EEIG2: variants seen among roughly 807,000 people sequenced by gnomAD.
EEIG2 encodes EEIG family member 2, also known as family with sequence similarity 102 member B.
At chr1:108,563,056 A>C in the EEIG2 span, among the ~76,000 whole-genome samples, 49 of 152,374 alleles carry the variant, frequency 3.2e-4, no homozygotes, top group East Asian at 9.1e-3. Context: ...AATGAATTAC[A>C]TAGAAAAGAG....
At chr1:108,567,327 G>T in the EEIG2 span, among the ~76,000 whole-genome samples, 2 of 152,082 alleles carry the variant, frequency 1.3e-5, no homozygotes, top group African/African-American at 2.4e-5. Context: ...AGATATTCCC[G>T]TGAGGAAGGT....
the EEIG2 span, among the ~76,000 whole-genome samples, chr1:108,630,346 G>C: frequency 6.6e-6 from 1 of 152,110 alleles, no homozygotes; most frequent in African/African-American, 2.4e-5. Context: ...AACACCGCTT[G>C]TTCTCACTCA....
chr1:108,627,867 G>C, the EEIG2 span: 2 of 315,518 alleles, frequency 6.3e-6, no homozygotes, highest in Admixed American at 4.3e-5. Flanking sequence ...TTAAGATAGA[G>C]TGCTGTTAAA....
chr1:108,628,386 C>T, the EEIG2 span: 2 of 1,612,824 alleles, frequency 1.2e-6, no homozygotes, highest in Non-Finnish European at 1.7e-6. Context: ...AGGTGATTTT[C>T]TCTGACAGGG....
the EEIG2 span, among the ~76,000 whole-genome samples, chr1:108,579,764 T>A: frequency 4.4e-3 from 76 of 17,352 alleles, no homozygotes; most frequent in Non-Finnish European, 0.01. Flanking sequence ...TGTGTGTGTG[T>A]GTGTGTGTGA....
the EEIG2 span, among the ~76,000 whole-genome samples, chr1:108,565,545 TAAAC>T: frequency 9.8e-5 from 15 of 152,356 alleles, no homozygotes; most frequent in African/African-American, 3.6e-4. Context: ...CTGGCCTACT[TAAAC>T]AAAGGAATAA....
At chr1:108,591,872 C>T in the EEIG2 span, among the ~76,000 whole-genome samples, 1 of 151,940 alleles carries the variant, frequency 6.6e-6, no homozygotes, top group African/African-American at 2.4e-5. Flanking sequence ...AAATCATGAA[C>T]AAAGGCATGC....
chr1:108,563,336 A>G, the EEIG2 span, among the ~76,000 whole-genome samples: 6 of 152,234 alleles, frequency 3.9e-5, no homozygotes, highest in South Asian at 1.2e-3. Context: ...CCTGGTAGAC[A>G]GCACATCACA....
At chr1:108,574,411 A>C in the EEIG2 span, among the ~76,000 whole-genome samples, 1 of 152,212 alleles carries the variant, frequency 6.6e-6, no homozygotes, top group South Asian at 2.1e-4. Context: ...TTTGTGAGAT[A>C]AAAAGAGTTC....
chr1:108,601,242 C>T, the EEIG2 span, among the ~76,000 whole-genome samples: 1 of 151,736 alleles, frequency 6.6e-6, no homozygotes, highest in East Asian at 1.9e-4. Flanking sequence ...ATGGTAATTT[C>T]ATATGGTTCA....
chr1:108,606,099 T>C, the EEIG2 span: 20 of 520,100 alleles, frequency 3.8e-5, no homozygotes, highest in Middle Eastern at 1.1e-3. Context: ...TTTAAGATCG[T>C]CAGAATTTTA....
the EEIG2 span, among the ~76,000 whole-genome samples, chr1:108,568,857 A>T: frequency 1.3e-5 from 2 of 152,138 alleles, no homozygotes; most frequent in Admixed American, 6.5e-5. Context: ...CAGTCCATTG[A>T]CCAGAACATC....
At chr1:108,586,431 A>G in the EEIG2 span, among the ~76,000 whole-genome samples, 5 of 152,104 alleles carry the variant, frequency 3.3e-5, no homozygotes, top group African/African-American at 7.2e-5. Flanking sequence ...GTACCTAACT[A>G]TAAAACATTT....
chr1:108,582,425 T>C, the EEIG2 span, among the ~76,000 whole-genome samples: 5 of 152,218 alleles, frequency 3.3e-5, no homozygotes, highest in African/African-American at 1.2e-4. Flanking sequence ...ATAAAGATTG[T>C]AATAGCTATC....
At chr1:108,591,953 A>G in the EEIG2 span, among the ~76,000 whole-genome samples, 1 of 152,228 alleles carries the variant, frequency 6.6e-6, no homozygotes, top group East Asian at 1.9e-4. Flanking sequence ...TCAAGAGATA[A>G]GACTAAAGAC....
the EEIG2 span, among the ~76,000 whole-genome samples, chr1:108,601,866 GCAAT>G: frequency 6.6e-6 from 1 of 152,168 alleles, no homozygotes; most frequent in Non-Finnish European, 1.5e-5. Flanking sequence ...ACACAGGGAA[GCAAT>G]CAGTGACCAG....
the EEIG2 span, chr1:108,628,828 A>G: frequency 2.5e-6 from 4 of 1,594,158 alleles, no homozygotes; most frequent in South Asian, 4.6e-5. Flanking sequence ...TGTTAAGCAT[A>G]GATTCCTGCA....
chr1:108,575,107 A>C, the EEIG2 span, among the ~76,000 whole-genome samples: 1 of 152,228 alleles, frequency 6.6e-6, no homozygotes, highest in East Asian at 1.9e-4. Context: ...CATCAGAGGA[A>C]TTGTCAGACT....
the EEIG2 span, among the ~76,000 whole-genome samples, chr1:108,576,089 C>T: frequency 3.2e-4 from 49 of 152,064 alleles, no homozygotes; most frequent in Non-Finnish European, 5.4e-4. Flanking sequence ...TCAAGCAATC[C>T]GCTCACCTCA....
Sources: allele counts gnomAD v4.1 joint callset (sites outside exome capture counted in the v4.1 genomes callset), GRCh38; gene constraint gnomAD v4.1.1; transcripts MANE v1.5; gene names NCBI Gene and HGNC (gene_info 2026-07-23, HGNC 2026-07-21).